Variants in NR3C2 observed in about 807,000 individuals in gnomAD.
NR3C2 encodes the protein nuclear receptor subfamily 3 group C member 2.
A neutral mutation model predicts 86.4 loss-of-function variants in NR3C2; 15 were observed. The observed-to-expected ratio is 0.17, with a 90% confidence interval of 0.12 to 0.27. NR3C2 has a LOEUF of 0.27. Among genes scored for constraint, NR3C2 ranks in the 10% least tolerant of loss-of-function variants. The pLI is 1.00. For missense variants in NR3C2, 960 were observed against 1,195.6 expected (o/e 0.80, Z 2.91); for synonymous variants, 458 against 450.5 (o/e 1.02, Z -0.21).
At chr4:148,245,066 G>T (rs541279829) in intron 3 of NR3C2, among the ~76,000 whole-genome samples, 28 of 152,232 alleles carry the variant, frequency 1.8e-4, no homozygotes, top group African/African-American at 6.5e-4. Flanking sequence ...GCTTGGAGGA[G>T]CCGGGTAGTG....
At chr4:148,235,098 T>C (rs944488150) in intron 3 of NR3C2, among the ~76,000 whole-genome samples, 2 of 152,058 alleles carry the variant, frequency 1.3e-5, no homozygotes, top group Admixed American at 6.6e-5. Flanking sequence ...TTAGAAACTA[T>C]TTAGGACATT....
At chr4:148,247,010 T>A (rs1245707795) in intron 3 of NR3C2, among the ~76,000 whole-genome samples, 2 of 152,200 alleles carry the variant, frequency 1.3e-5, no homozygotes, top group Non-Finnish European at 2.9e-5. Flanking sequence ...TATTCCTTTT[T>A]AAAATGTAAT....
At chr4:148,374,865 C>T (rs1212431461) in intron 2 of NR3C2, among the ~76,000 whole-genome samples, 2 of 152,148 alleles carry the variant, frequency 1.3e-5, no homozygotes, top group Non-Finnish European at 2.9e-5. Context: ...AAAAGACTGA[C>T]ACAAAATCTG....
intron 2 of NR3C2, among the ~76,000 whole-genome samples, chr4:148,261,867 G>A (rs1740140824): frequency 6.6e-6 from 1 of 152,206 alleles, no homozygotes; most frequent in Non-Finnish European, 1.5e-5. Flanking sequence ...ACGAAAAACA[G>A]AGGAAAGAAC....
intron 4 of NR3C2, among the ~76,000 whole-genome samples, chr4:148,173,684 G>A (rs957445758): frequency 2.0e-5 from 3 of 152,222 alleles, no homozygotes; most frequent in African/African-American, 7.2e-5. Context: ...ATTTGTTACA[G>A]CAGCAATAGT....
chr4:148,262,710 G>A (rs1007393576), intron 2 of NR3C2, among the ~76,000 whole-genome samples: 1 of 152,016 alleles, frequency 6.6e-6, no homozygotes, highest in African/African-American at 2.4e-5. Context: ...CAATCTAATA[G>A]GACTGATGTT....
At chr4:148,366,007 C>CA (rs897482940) in intron 2 of NR3C2, among the ~76,000 whole-genome samples, 3 of 151,860 alleles carry the variant, frequency 2.0e-5, no homozygotes, top group Admixed American at 1.3e-4. Context: ...AAAAATCAAA[C>CA]AAAAAAACCC....
At chr4:148,274,095 A>G (rs1259221329) in intron 2 of NR3C2, among the ~76,000 whole-genome samples, 1 of 152,152 alleles carries the variant, frequency 6.6e-6, no homozygotes, top group Non-Finnish European at 1.5e-5. Context: ...GAGAAAAAAA[A>G]AAAAAAGGTA....
chr4:148,282,359 A>G (rs1208535755), intron 2 of NR3C2, among the ~76,000 whole-genome samples: 1 of 152,190 alleles, frequency 6.6e-6, no homozygotes, highest in Non-Finnish European at 1.5e-5. Context: ...CTTATAGATT[A>G]TTTATTTCCT....
chr4:148,132,478 T>C (rs1168638392), intron 6 of NR3C2, among the ~76,000 whole-genome samples: 3 of 152,204 alleles, frequency 2.0e-5, no homozygotes, highest in Non-Finnish European at 4.4e-5. Context: ...CTAGGGGCCT[T>C]GGTACAGGGA....
intron 6 of NR3C2, among the ~76,000 whole-genome samples, chr4:148,147,065 ATAAT>A (rs1733904145): frequency 6.6e-6 from 1 of 152,258 alleles, no homozygotes; most frequent in African/African-American, 2.4e-5. Context: ...GTAAAATTGA[ATAAT>A]TAATCATTTA....
intron 3 of NR3C2, chr4:148,208,521 A>G (rs1404023764): frequency 6.6e-6 from 1 of 152,290 alleles, no homozygotes; most frequent in Non-Finnish European, 1.5e-5. Flanking sequence ...TTACAGGACA[A>G]AATTCCTAAC....
chr4:148,114,315 A>C (rs565220287), intron 7 of NR3C2, 54 bp from the exon 8 acceptor site: 4 of 1,592,346 alleles, frequency 2.5e-6, no homozygotes, highest in African/African-American at 2.7e-5. Context: ...CAACTTTAGC[A>C]TCTTGGCAGG....
At chr4:148,097,261 T>G (rs1400581869) in intron 8 of NR3C2, among the ~76,000 whole-genome samples, 1 of 152,202 alleles carries the variant, frequency 6.6e-6, no homozygotes, top group Non-Finnish European at 1.5e-5. Context: ...GGCTGTTCCT[T>G]CAGGAGTCAT....
intron 2 of NR3C2, among the ~76,000 whole-genome samples, chr4:148,278,719 T>G (rs1375181330): frequency 6.6e-6 from 1 of 152,176 alleles, no homozygotes; most frequent in Non-Finnish European, 1.5e-5. Flanking sequence ...TAAGAAACTT[T>G]GGTGACAAAC....
At chr4:148,177,432 G>A (rs1023361754) in intron 4 of NR3C2, among the ~76,000 whole-genome samples, 8 of 152,254 alleles carry the variant, frequency 5.3e-5, no homozygotes, top group African/African-American at 1.9e-4. Context: ...CTAGAGCTGA[G>A]AACAGAGGAC....
At chr4:148,178,600 C>T (rs1175711209) in intron 4 of NR3C2, among the ~76,000 whole-genome samples, 2 of 151,516 alleles carry the variant, frequency 1.3e-5, no homozygotes, top group Non-Finnish European at 2.9e-5. Flanking sequence ...AAAATTGGGT[C>T]AAAATGTTTC....
intron 4 of NR3C2, among the ~76,000 whole-genome samples, chr4:148,191,114 G>T (rs1218034304): frequency 6.6e-6 from 1 of 151,890 alleles, no homozygotes; most frequent in Non-Finnish European, 1.5e-5. Context: ...CTGTTTTGAT[G>T]TATTTCCAGA....
chr4:148,418,136 T>G (rs994835091), intron 2 of NR3C2, among the ~76,000 whole-genome samples: 16 of 152,228 alleles, frequency 1.1e-4, no homozygotes, highest in African/African-American at 3.9e-4. Flanking sequence ...GTTTACATTC[T>G]GATGGTGTTC....
Sources: gnomAD v4.1 joint callset for allele counts (sites outside exome capture counted in the v4.1 genomes callset) on GRCh38, gnomAD v4.1.1 for gene constraint, MANE v1.5 for transcripts, NCBI Gene and HGNC (gene_info 2026-07-23, HGNC 2026-07-21) for gene names.